PCDH11Y: variants seen among roughly 807,000 people sequenced by gnomAD.
The protein encoded by PCDH11Y is protocadherin 11 Y-linked, also known as protocadherin-11 Y-linked.
For synonymous variants in PCDH11Y, 9 were observed against 83.6 expected (o/e 0.11, Z 4.87); for missense variants, 12 against 224.8 (o/e 0.05, Z 6.05).
chrY:5,044,478 G>A (rs2052628340), intron 3 of PCDH11Y, among the ~76,000 whole-genome samples: 1 of 33,366 alleles, frequency 3.0e-5, no homozygotes, highest in Non-Finnish European at 7.4e-5. Flanking sequence ...CTCAGAGATA[G>A]TTTGTTATAA....
intron 4 of PCDH11Y, among the ~76,000 whole-genome samples, chrY:5,603,923 G>GAAAGAAAC (rs2053476352): frequency 4.3e-5 from 1 of 23,412 alleles, no homozygotes; most frequent in Non-Finnish European, 1.0e-4. Context: ...AAGAAAGAAA[G>GAAAGAAAC]AAAAGAAAGA....
At chrY:5,453,495 C>G (rs2053295095) in intron 2 of PCDH11Y, among the ~76,000 whole-genome samples, 1 of 33,852 alleles carries the variant, frequency 3.0e-5, no homozygotes, top group African/African-American at 1.2e-4. Flanking sequence ...CGACTAAGTC[C>G]TCTAAAGCAA....
At chrY:5,570,452 T>A in intron 3 of PCDH11Y, among the ~76,000 whole-genome samples, 1 of 28,417 alleles carries the variant, frequency 3.5e-5, no homozygotes, top group African/African-American at 1.4e-4. Context: ...TACTTGAAAA[T>A]GTAAAACTAA....
intron 2 of PCDH11Y, among the ~76,000 whole-genome samples, chrY:5,373,721 T>C (rs2053194131): frequency 7.8e-5 from 2 of 25,722 alleles, no homozygotes; most frequent in African/African-American, 2.7e-4. Flanking sequence ...TATATGTTTA[T>C]ATATATATAT....
chrY:5,250,663 A>C, intron 2 of PCDH11Y, among the ~76,000 whole-genome samples: 1 of 31,505 alleles, frequency 3.2e-5, no homozygotes, highest in Non-Finnish European at 7.7e-5. Context: ...ACTAATAGGT[A>C]CTAAGCATAA....
At chrY:5,716,020 G>A (rs2053589749) in intron 4 of PCDH11Y, among the ~76,000 whole-genome samples, 1 of 32,541 alleles carries the variant, frequency 3.1e-5, no homozygotes, top group Non-Finnish European at 7.5e-5. Flanking sequence ...TATTTCAATT[G>A]AAGTCAAAAT....
chrY:5,305,096 CTG>C (rs2053088450), intron 2 of PCDH11Y, among the ~76,000 whole-genome samples: 1 of 33,001 alleles, frequency 3.0e-5, no homozygotes, highest in Admixed American at 2.8e-4. Flanking sequence ...GTAAAAAAGA[CTG>C]GAAATGACAG....
At position 5,229,167 on chromosome Y, in the gene PCDH11Y, T is replaced by G. The variant is rs1602889701; in HGVS notation, c.3129+128460T>G. Among the ~76,000 whole-genome samples, 4 of 31,827 alleles carry G rather than the reference T, an allele frequency of 1.3e-4. No homozygotes were observed. The East Asian group carries it at 2.4e-3, about 19-fold the overall frequency. The allele number at this position is 31,827 out of a possible 37,273, so 85.4% of individuals were successfully genotyped here. A position where few individuals can be genotyped will look rare whatever the true frequency, so the allele number is the denominator to read the frequency against. On this transcript the variant is annotated intron_variant, in intron 2 of 4. Coordinates refer to the PCDH11Y transcript ENST00000400457. ...TGAAATTGACCCCATTATCATTATA[T>G]AGTGAACTTCGTTGTCTCTTCTCAT...
intron 2 of PCDH11Y, among the ~76,000 whole-genome samples, chrY:5,247,449 G>A: frequency 3.1e-5 from 1 of 32,336 alleles, no homozygotes. Flanking sequence ...ACAACTACAT[G>A]AAAACTGAAC....
chrY:5,220,641 G>A (rs2052952789), intron 2 of PCDH11Y, among the ~76,000 whole-genome samples: 1 of 24,990 alleles, frequency 4.0e-5, no homozygotes, highest in Admixed American at 3.9e-4. Context: ...TCGATCTCCT[G>A]ACCTTGTGAT....
intron 3 of PCDH11Y, among the ~76,000 whole-genome samples, chrY:5,576,485 A>G (rs1602945533): frequency 3.0e-5 from 1 of 33,180 alleles, no homozygotes; most frequent in South Asian, 6.6e-4. Flanking sequence ...AGTTCTGTAT[A>G]TCTCAGAATT....
Position 5,056,848 on chromosome Y carries a change from AT to A in PCDH11Y, c.28del (p.Ser10LeufsTer37), listed in dbSNP as rs2052661534. The A allele has an allele frequency of 2.5e-6, 1 of 393,867 alleles. No homozygotes were observed. The highest frequency in any genetic ancestry group is 7.9e-5 in the Admixed American group (1 of 12,694). On this transcript the variant is annotated frameshift_variant, in exon 1 of 2. Coordinates refer to ENST00000215473, the Ensembl canonical transcript of PCDH11Y. LOFTEE classifies it high-confidence loss of function. ...CATGTTTAGGGTTGGCTTCTTAATA[AT>A]TTCTTCTTCCTCTTCTCTCTCTCCT...
downstream of PCDH11Y, among the ~76,000 whole-genome samples, chrY:5,108,986 AG>A (rs2052800317): frequency 3.1e-5 from 1 of 32,001 alleles, no homozygotes; most frequent in African/African-American, 1.2e-4. Context: ...GAAGCACTAC[AG>A]GACAAGCAGA....
intron 3 of PCDH11Y, among the ~76,000 whole-genome samples, chrY:5,047,576 A>T: frequency 3.0e-5 from 1 of 33,745 alleles, no homozygotes; most frequent in Non-Finnish European, 7.4e-5. Flanking sequence ...GTTAAAATGT[A>T]TTAAGACACA....
Position 5,407,838 on chromosome Y carries a change from CAG to C in PCDH11Y, c.3130-93218_3130-93217del, listed in dbSNP as rs2124677846. 1.0e-3 allele frequency among the ~76,000 whole-genome samples: 29 copies of C among 28,170 alleles called. No homozygotes were observed. In the East Asian group the frequency reaches 0.016, roughly 15 times the overall value. 75.6% of individuals were successfully genotyped at this position (28,170 alleles called of 37,273 possible). On this transcript the variant is annotated intron_variant, in intron 2 of 4. Coordinates refer to the PCDH11Y transcript ENST00000400457. ...GCTGAGGCAGGAGAATGGAGTGAAC[CAG>C]CGGGCGGAGCTTGCAGTGAGCCGAG...
At chrY:5,477,670 A>T in intron 2 of PCDH11Y, among the ~76,000 whole-genome samples, 1 of 32,619 alleles carries the variant, frequency 3.1e-5, no homozygotes, top group Admixed American at 2.8e-4. Flanking sequence ...ATAGGCTATT[A>T]ATTACTGCCT....
At chrY:5,205,164 T>G in intron 2 of PCDH11Y, among the ~76,000 whole-genome samples, 1 of 28,601 alleles carries the variant, frequency 3.5e-5, no homozygotes. Context: ...GGACAAGGTC[T>G]CACTACATTG....
At chrY:5,376,420 C>T (rs2124673895) in intron 2 of PCDH11Y, among the ~76,000 whole-genome samples, 1 of 33,231 alleles carries the variant, frequency 3.0e-5, no homozygotes, top group East Asian at 7.8e-4. Context: ...GCCTCAGCCT[C>T]CCAAAGTGCT....
intron 2 of PCDH11Y, among the ~76,000 whole-genome samples, chrY:5,405,478 C>T (rs2053237853): frequency 3.3e-5 from 1 of 30,072 alleles, no homozygotes; most frequent in Non-Finnish European, 7.9e-5. Flanking sequence ...TGAGCCACTT[C>T]GCCCAGCCCA....
Sources: allele counts gnomAD v4.1 joint callset (sites outside exome capture counted in the v4.1 genomes callset), GRCh38; gene constraint gnomAD v4.1.1; transcripts MANE v1.5; gene names NCBI Gene and HGNC (gene_info 2026-07-23, HGNC 2026-07-21).